The following CDC14A variants were observed in gnomAD, a reference collection of about 807,000 sequenced individuals.
CDC14A encodes cell division cycle 14A.
In CDC14A, 53 loss-of-function variants were observed where a neutral mutation model predicts 74.4. The observed-to-expected ratio is 0.71, with a 90% CI of 0.57 to 0.89. The LOEUF is 0.89. Among genes scored for constraint, CDC14A ranks in the 40% least tolerant of loss-of-function variants. CDC14A has a pLI of 0.00. For missense variants in CDC14A, 646 were observed against 713.7 expected (o/e 0.91, Z 1.08); for synonymous variants, 247 against 258.4 (o/e 0.96, Z 0.43).
At chr1:100,398,917 G>A (rs11802123) in intron 4 of CDC14A, among the ~76,000 whole-genome samples, 8,167 of 152,166 alleles carry the variant, frequency 0.054, 413 homozygotes, top group African/African-American at 0.13. Flanking sequence ...CAGACAGGGA[G>A]AATAGCATGA....
At chr1:100,345,853 T>A (rs1344815495) in intron 1 of CDC14A, among the ~76,000 whole-genome samples, 1 of 152,206 alleles carries the variant, frequency 6.6e-6, no homozygotes, top group East Asian at 1.9e-4. Context: ...CATTATTAAA[T>A]GTGCACATGG....
chr1:100,491,567 TATATA>T (rs1177237020), intron 11 of CDC14A, among the ~76,000 whole-genome samples: 7 of 88,362 alleles, frequency 7.9e-5, no homozygotes, highest in African/African-American at 3.5e-4. Context: ...TATATATATA[TATATA>T]TTTTTTTTTT....
At chr1:100,412,733 A>ATATATATATATATAAAATATATATG (rs1557732433) in intron 4 of CDC14A, among the ~76,000 whole-genome samples, 10 of 110,152 alleles carry the variant, frequency 9.1e-5, no homozygotes, top group African/African-American at 4.8e-4. Flanking sequence ...TTTTATATAT[A>ATATATATATATATAAAATATATATG]TATATTTTAT....
At chr1:100,450,224 A>G (rs1252020061) in intron 7 of CDC14A, among the ~76,000 whole-genome samples, 2 of 152,224 alleles carry the variant, frequency 1.3e-5, no homozygotes, top group African/African-American at 4.8e-5. Flanking sequence ...CTACCTTGAG[A>G]AATAGTAAAG....
chr1:100,401,738 G>T (rs1659281302), intron 4 of CDC14A, among the ~76,000 whole-genome samples: 1 of 152,106 alleles, frequency 6.6e-6, no homozygotes, highest in Non-Finnish European at 1.5e-5. Context: ...ATAATTTCCA[G>T]TTAAGAATTA....
At chr1:100,380,824 C>G (rs192412835) in intron 3 of CDC14A, among the ~76,000 whole-genome samples, 7 of 152,340 alleles carry the variant, frequency 4.6e-5, no homozygotes, top group South Asian at 2.1e-4. Context: ...TTTACTCTAC[C>G]ATACCAGCTG....
In CDC14A at chr1:100,397,762, T is replaced by A. The variant is rs531571672; in HGVS notation, c.309+6938T>A. On this transcript the variant is annotated intron_variant, in intron 4 of 15. Transcript: ENST00000336454. ...ATTATATACTTTCCTTACCCACTTGTTAAGTCTTTGCATTGCTAAATTAGA... is the reference window on the plus strand; with the variant it reads ...ATTATATACTTTCCTTACCCACTTGATAAGTCTTTGCATTGCTAAATTAGA... 2.0e-5 allele frequency among the ~76,000 whole-genome samples: 3 copies of A among 152,346 alleles called. No individual in the cohort carries two copies. The East Asian group carries it at 5.8e-4, about 29-fold the overall frequency.
chr1:100,345,743 C>A (rs1650354775), intron 1 of CDC14A, among the ~76,000 whole-genome samples: 1 of 152,122 alleles, frequency 6.6e-6, no homozygotes, highest in Non-Finnish European at 1.5e-5. Context: ...TGATAGGCAA[C>A]CAATGTAAGA....
rs1214992847 is a variant in CDC14A at position 100,499,403 on chromosome 1, G to A, written c.1755+141G>A. 3 of 1,585,394 alleles carry A rather than the reference G, an allele frequency of 1.9e-6. No homozygotes were observed. In the African/African-American group the frequency reaches 4.0e-5, roughly 21 times the overall value. ...GAGCGATGCCTTCCCTCTGTGCTGT[G>A]AAACTGTCTATGCACTACATTCTGC... On this transcript the variant is annotated intron_variant, in intron 15 of 15. Transcript: ENST00000336454.
At chr1:100,373,170 C>T (rs1413182837) in intron 2 of CDC14A, among the ~76,000 whole-genome samples, 2 of 152,054 alleles carry the variant, frequency 1.3e-5, no homozygotes, top group Non-Finnish European at 2.9e-5. Flanking sequence ...GTGACTTTTG[C>T]TTTTACTTGA....
At chr1:100,514,107 C>A (rs560169470) in intron 15 of CDC14A, among the ~76,000 whole-genome samples, 2 of 30,606 alleles carry the variant, frequency 6.5e-5, no homozygotes, top group South Asian at 6.3e-3. Context: ...AAATTAAAAT[C>A]TCTTGGTTAT....
At position 100,449,767 on chromosome 1, in the gene CDC14A, A is replaced by C. The variant is rs373938570; in HGVS notation, c.520-5638A>C. 2.2e-4 allele frequency among the ~76,000 whole-genome samples: 34 copies of C among 152,370 alleles called. No individual in the cohort carries two copies. In the East Asian group the frequency reaches 5.6e-3, roughly 25 times the overall value. ...CTAGCACAGTACACTCATAGTGGGC[A>C]GTCATTATTTGTGGAATGAAAGAAC... On this transcript the variant is annotated intron_variant, in intron 7 of 15. Transcript: ENST00000336454.
At position 100,379,190 on chromosome 1, in the gene CDC14A, T is replaced by C. The variant is rs1351709932; in HGVS notation, c.216+1569T>C. ...TGACTCAGTGTTCTACTTATAGCAGTTGCAGAAGAGTAGATGGGTTGAGTT... is the reference window on the plus strand; with the variant it reads ...TGACTCAGTGTTCTACTTATAGCAGCTGCAGAAGAGTAGATGGGTTGAGTT... On this transcript the variant is annotated intron_variant, in intron 3 of 15. Transcript: ENST00000336454. Among the ~76,000 whole-genome samples, 3 of 152,244 alleles carry C rather than the reference T, an allele frequency of 2.0e-5. No homozygotes were observed. In the South Asian group the frequency reaches 6.2e-4, roughly 31 times the overall value.
chr1:100,473,876 C>T (rs74584900), intron 10 of CDC14A, among the ~76,000 whole-genome samples: 164 of 152,178 alleles, frequency 1.1e-3, no homozygotes, highest in African/African-American at 3.7e-3. Context: ...CTAAAACTTC[C>T]AGCGCTGTGA....
At chr1:100,433,085 G>A (rs949936759) in intron 5 of CDC14A, among the ~76,000 whole-genome samples, 4 of 149,698 alleles carry the variant, frequency 2.7e-5, no homozygotes, top group African/African-American at 9.8e-5. Flanking sequence ...TCCCTCTATT[G>A]TCCAGGCTAG....
At chr1:100,355,641 G>A (rs142630932) in intron 2 of CDC14A, among the ~76,000 whole-genome samples, 1 of 152,160 alleles carries the variant, frequency 6.6e-6, no homozygotes, top group Admixed American at 6.5e-5. Flanking sequence ...ACTTCAGCCT[G>A]GGCAGAGTGT....
intron 10 of CDC14A, among the ~76,000 whole-genome samples, chr1:100,482,195 T>G (rs201010251): frequency 2.0e-5 from 3 of 152,162 alleles, no homozygotes; most frequent in East Asian, 1.9e-4. Flanking sequence ...CTTTTGAAAT[T>G]GGAATTTTTT....
At chr1:100,356,097 C>T (rs1288780605) in intron 2 of CDC14A, among the ~76,000 whole-genome samples, 1 of 152,096 alleles carries the variant, frequency 6.6e-6, no homozygotes, top group Non-Finnish European at 1.5e-5. Flanking sequence ...TCCAGTTTGC[C>T]TGGTGTGTAT....
intron 10 of CDC14A, among the ~76,000 whole-genome samples, chr1:100,477,598 A>G (rs549782117): frequency 6.6e-6 from 1 of 152,202 alleles, no homozygotes; most frequent in South Asian, 2.1e-4. Flanking sequence ...GATGGGTACC[A>G]GGGACATTTC....
Sources: allele counts gnomAD v4.1 joint callset (sites outside exome capture counted in the v4.1 genomes callset), GRCh38; gene constraint gnomAD v4.1.1; transcripts MANE v1.5; gene names NCBI Gene and HGNC (gene_info 2026-07-23, HGNC 2026-07-21).